The following MTERF2 variants were observed in gnomAD, a reference collection of about 807,000 sequenced individuals.
MTERF2 encodes transcription termination factor 2, mitochondrial.
In MTERF2, 23 loss-of-function variants were observed where a neutral mutation model predicts 29.2. The observed-to-expected ratio is 0.79, with a 90% CI of 0.57 to 1.12. The LOEUF (loss-of-function observed/expected upper bound fraction) is 1.12, where lower values mean the gene tolerates loss of function less well. MTERF2 is among the 50% of genes most tolerant of loss of function. The pLI is 0.00. For missense variants in MTERF2, 440 were observed against 429.4 expected, an observed-to-expected ratio of 1.02 and a Z score of -0.22; for synonymous variants, 157 against 159.5, an observed-to-expected ratio of 0.98 and a Z score of 0.12.
Position 106,978,010 on chromosome 12 carries a change from C to T in MTERF2, c.705G>A (p.Gln235=), listed in dbSNP as rs540523769. 8.7e-6 allele frequency: 14 copies of T among 1,614,128 alleles called. No homozygotes were observed. In the Middle Eastern group the frequency reaches 6.6e-4, roughly 76 times the overall value. The stretch of plus-strand genomic sequence containing the variant: ...TTTCAAAGCTGGTGAAACCTTGCTC[C>T]TGGAGAAATTCTAGTGTTTCCTTTA... ...TAIKETLEFL[Q]EQGFTSFEIL... is the part of the protein sequence containing the mutation. Residue 235 remains glutamine, a synonymous_variant, in exon 3 of 3, where the codon CAG becomes CAA. Transcript: ENST00000240050.
chr12:106,984,393 T>C lies in MTERF2; in HGVS notation c.-58+722A>G, dbSNP rs1952087057. On this transcript the variant is annotated intron_variant, in intron 2 of 2. Coordinates refer to ENST00000240050, the MANE Select transcript of MTERF2 (RefSeq NM_001033050.3). ...TAGCTTGCGATAAAGATAACTTTCA[T>C]GTGGTTACAGCCAATGAGTAGTTTT... Among the ~76,000 whole-genome samples, 3 of 152,352 alleles carry C rather than the reference T, an allele frequency of 2.0e-5. No individual in the cohort carries two copies. The South Asian group carries it at 6.2e-4, about 32-fold the overall frequency.
intron 2 of MTERF2, among the ~76,000 whole-genome samples, chr12:106,980,901 C>T (rs187764663): frequency 1.6e-4 from 25 of 152,298 alleles, no homozygotes; most frequent in East Asian, 5.8e-4. Context: ...TCACTGTGAG[C>T]GCCTATGGAG....
At chr12:106,985,944 G>T (rs1593483591) in intron 1 of MTERF2, 1 of 152,278 alleles carries the variant, frequency 6.6e-6, no homozygotes, top group African/African-American at 2.4e-5. Context: ...CTTTCCAGAA[G>T]AAAAGACCCA....
chr12:106,984,904 G>T lies in MTERF2; in HGVS notation c.-58+211C>A, dbSNP rs530345459. 5.3e-5 allele frequency among the ~76,000 whole-genome samples: 8 copies of T among 152,282 alleles called. No homozygotes were observed. In the South Asian group the frequency reaches 1.2e-3, roughly 24 times the overall value. On this transcript the variant is annotated intron_variant, in intron 2 of 2. Transcript: ENST00000240050. The stretch of plus-strand genomic sequence containing the variant: ...ATGAAAAAGGACTAATACAAGCCAT[G>T]AGCCACCACACCCAGCCTTCCTTAT...
chr12:106,978,880 G>C (rs1952022863), intron 2 of MTERF2, 109 bp from the exon 3 acceptor site: 1 of 571,466 alleles, frequency 1.7e-6, no homozygotes, highest in South Asian at 3.1e-5. Context: ...ATTTAAATTA[G>C]ACAAGAAAAC....
chr12:106,978,426 T>C lies in MTERF2; in HGVS notation c.289A>G (p.Ile97Val). 1 of 1,614,258 alleles carries C rather than the reference T, an allele frequency of 6.2e-7. No homozygotes were observed. Among genetic ancestry groups the C allele is most frequent in the Non-Finnish European group, 8.5e-7 (1 of 1,180,034 alleles). ...ATTGCTTCCGGGCAGCGTTCCAAAA[T>C]ACTGGCTACAGCAGTCTCATCGGCA... ...LGADETAVAS[I>V]LERCPEAIVC... is the part of the protein sequence containing the mutation. The change falls in exon 3 of 3, where the codon ATT (isoleucine) becomes GTT (valine). Residue 97 changes from isoleucine (I) to valine (V), a missense_variant. By Grantham distance (29) the Ile-to-Val change is conservative. Coordinates refer to ENST00000240050, the MANE Select transcript of MTERF2 (RefSeq NM_001033050.3).
intron 2 of MTERF2, among the ~76,000 whole-genome samples, chr12:106,981,830 G>A (rs921799208): frequency 6.6e-6 from 1 of 152,150 alleles, no homozygotes; most frequent in Non-Finnish European, 1.5e-5. Flanking sequence ...CTAAAAAATG[G>A]ATTTTAAATG....
In MTERF2 at chr12:106,978,246, GA is replaced by G. The variant is rs933439739; in HGVS notation, c.468del (p.Gln157LysfsTer5). 6.2e-7 allele frequency: 1 copy of G among 1,613,854 alleles called. No homozygotes were observed. Among genetic ancestry groups the G allele is most frequent in the Non-Finnish European group, 8.5e-7 (1 of 1,179,996 alleles). ...ACCACATTTTTTAGTCCCAACTCTT[GA>G]AAGAACTGAACATTCAGCTTCTGGT... ...QENQKLNVQFFQELGLKNVVI... is the reference protein window; with the variant it reads ...QENQKLNVQFXQELGLKNVVI... On this transcript the variant is annotated frameshift_variant, in exon 3 of 3. Transcript: ENST00000240050. LOFTEE classifies it high-confidence loss of function.
chr12:106,981,474 A>C (rs1451524464), intron 2 of MTERF2, among the ~76,000 whole-genome samples: 1 of 152,220 alleles, frequency 6.6e-6, no homozygotes, highest in Non-Finnish European at 1.5e-5. Flanking sequence ...ACAGAAATAG[A>C]TTATTTACAA....
Position 106,977,980 on chromosome 12 carries a change from G to A in MTERF2, c.735C>T (p.Leu245=). The A allele has an allele frequency of 6.2e-7, 1 of 1,614,176 alleles. No individual in the cohort carries two copies. Among genetic ancestry groups the A allele is most frequent in the Non-Finnish European group, 8.5e-7 (1 of 1,180,018 alleles). Residue 245 remains leucine (L), a synonymous_variant, in exon 3 of 3, where the codon CTC becomes CTT. Transcript: ENST00000240050. ...ATCCTTTGAGTTTGGATAGAAGCTG[G>A]AGAATTTCAAAGCTGGTGAAACCTT... ...QEQGFTSFEI[L]QLLSKLKGFL...
Position 106,977,887 on chromosome 12 carries a change from G to A in MTERF2, c.828C>T (p.Cys276=), listed in dbSNP as rs561487320. 19 of 1,613,912 alleles carry A rather than the reference G, an allele frequency of 1.2e-5. 1 individual carries two copies. The South Asian group carries it at 2.1e-4, about 18-fold the overall frequency. ...CTAATTGCTTCAGGTCATGATCTGT[G>A]CATTTAAAAGCATTTTTAGAGAAGG... is the stretch of plus-strand genomic sequence containing the variant. ...SISFSKNAFK[C]TDHDLKQLVL... The change falls in exon 3 of 3, where the codon TGC becomes TGT. Residue 276 remains cysteine (C), a synonymous_variant. Coordinates refer to ENST00000240050, the MANE Select transcript of MTERF2 (RefSeq NM_001033050.3).
Position 106,978,036 on chromosome 12 carries a change from T to A in MTERF2, c.679A>T (p.Ile227Leu). The A allele has an allele frequency of 6.2e-7, 1 of 1,614,102 alleles. No individual in the cohort carries two copies. Among genetic ancestry groups the A allele is most frequent in the Non-Finnish European group, 8.5e-7 (1 of 1,180,002 alleles). Reference sequence around the variant, plus strand: ...TGGAGAAATTCTAGTGTTTCCTTTATAGCTGTGGGAGAATTTAACAAAATA... The same window carrying A: ...TGGAGAAATTCTAGTGTTTCCTTTAAAGCTGTGGGAGAATTTAACAAAATA... ...PFILLNSPTA[I>L]KETLEFLQEQ... The change falls in exon 3 of 3, where the codon ATA (isoleucine) becomes TTA (leucine). Residue 227 changes from isoleucine to leucine, a missense_variant. By Grantham distance (5) the Ile-to-Leu change is conservative. Transcript: ENST00000240050.
intron 2 of MTERF2, among the ~76,000 whole-genome samples, chr12:106,981,872 G>A (rs934976531): frequency 1.3e-5 from 2 of 152,144 alleles, no homozygotes; most frequent in African/African-American, 4.8e-5. Flanking sequence ...GCTTATAAAA[G>A]CAATGCACAT....
intron 2 of MTERF2, among the ~76,000 whole-genome samples, chr12:106,980,433 G>C (rs1408340338): frequency 6.6e-6 from 1 of 152,102 alleles, no homozygotes; most frequent in Non-Finnish European, 1.5e-5. Context: ...TATTCCTTTT[G>C]GTATAGGGAG....
chr12:106,978,504 A>G lies in MTERF2; in HGVS notation c.211T>C (p.Leu71=). ...KIRRLKGWVL[L]EDETYVEEIA... is the part of the protein sequence containing the mutation. ...TCTTCAACATAGGTTTCATCCTCTA[A>G]AAGTACCCATCCTTTTAATCTACGA... The change falls in exon 3 of 3, where the codon TTA becomes CTA. Residue 71 remains leucine, a synonymous_variant. Transcript: ENST00000240050. The G allele has an allele frequency of 1.2e-6, 2 of 1,614,214 alleles. No homozygotes were observed. Among genetic ancestry groups the G allele is most frequent in the Non-Finnish European group, 1.7e-6 (2 of 1,180,016 alleles).
intron 2 of MTERF2, 95 bp from the exon 3 acceptor site, chr12:106,978,866 G>C: frequency 1.6e-6 from 1 of 615,148 alleles, no homozygotes. Flanking sequence ...TGGAAATAAA[G>C]TGGATTTAAA....
At chr12:106,986,877 C>G (rs1012857236) in intron 1 of MTERF2, 92 bp downstream of exon 1, 4 of 152,380 alleles carry the variant, frequency 2.6e-5, no homozygotes, top group Non-Finnish European at 5.9e-5. Context: ...CTGAGCTGAG[C>G]GTCTGGCGAG....
rs1427652911 is a variant in MTERF2 at position 106,980,150 on chromosome 12, C to T, written c.-57-1379G>A. ...TGACCTCGTGATCTGCCCGTCTCGGCCTCCCAAAGTGCTGGGATTGTAGGT... is the reference window on the plus strand; with the variant it reads ...TGACCTCGTGATCTGCCCGTCTCGGTCTCCCAAAGTGCTGGGATTGTAGGT... On this transcript the variant is annotated intron_variant, in intron 2 of 2. Coordinates refer to ENST00000240050, the MANE Select transcript of MTERF2 (RefSeq NM_001033050.3). Among the ~76,000 whole-genome samples, 4 of 152,158 alleles carry T rather than the reference C, an allele frequency of 2.6e-5. No homozygotes were observed. The East Asian group carries it at 7.7e-4, about 29-fold the overall frequency.
chr12:106,978,118 A>T lies in MTERF2; in HGVS notation c.597T>A (p.Gly199=), dbSNP rs1361540392. The change falls in exon 3 of 3, where the codon GGT becomes GGA. Residue 199 remains glycine (G), a synonymous_variant. Coordinates refer to ENST00000240050, the MANE Select transcript of MTERF2 (RefSeq NM_001033050.3). ...AAACTTTCATGTTGGCCTCAGAGCCACCTACATCTAGATAACTCTCTTGGA... is the reference window on the plus strand; with the variant it reads ...AAACTTTCATGTTGGCCTCAGAGCCTCCTACATCTAGATAACTCTCTTGGA... The part of the protein sequence containing the change: ...RILQESYLDV[G]GSEANMKVWL... 2 of 1,614,106 alleles carry T rather than the reference A, an allele frequency of 1.2e-6. No individual in the cohort carries two copies. Among genetic ancestry groups the T allele is most frequent in the Non-Finnish European group, 1.7e-6 (2 of 1,180,018 alleles).
Sources: gnomAD v4.1 joint callset for allele counts (sites outside exome capture counted in the v4.1 genomes callset) on GRCh38, gnomAD v4.1.1 for gene constraint, MANE v1.5 for transcripts, NCBI Gene and HGNC (gene_info 2026-07-23, HGNC 2026-07-21) for gene names.